Variants in NPAS3 observed in about 807,000 individuals in gnomAD.
NPAS3 encodes neuronal PAS domain-containing protein 3.
A neutral mutation model predicts 73.1 loss-of-function variants in NPAS3; 14 were observed. The ratio of observed to expected loss-of-function variants is 0.19; its 90% CI spans 0.13 to 0.30. The LOEUF is 0.30. Among genes scored for constraint, NPAS3 ranks in the 10% least tolerant of loss-of-function variants. The pLI is 1.00. For synonymous variants in NPAS3, 620 were observed against 541.5 expected (o/e 1.14, Z -2.01); for missense variants, 1,096 against 1,250.0 (o/e 0.88, Z 1.86).
At chr14:33,348,793 G>A (rs550005431) in intron 3 of NPAS3, among the ~76,000 whole-genome samples, 26 of 152,246 alleles carry the variant, frequency 1.7e-4, no homozygotes, top group Admixed American at 6.5e-4. Flanking sequence ...GGTTGTAATC[G>A]TTTATTTACT....
intron 3 of NPAS3, among the ~76,000 whole-genome samples, chr14:33,271,088 G>A (rs759655904): frequency 6.6e-6 from 1 of 152,204 alleles, no homozygotes; most frequent in Non-Finnish European, 1.5e-5. Flanking sequence ...TGTGTGCTTA[G>A]GTTCAACAAA....
chr14:33,538,491 A>C (rs2054356693), intron 4 of NPAS3, among the ~76,000 whole-genome samples: 1 of 152,234 alleles, frequency 6.6e-6, no homozygotes, highest in African/African-American at 2.4e-5. Flanking sequence ...TTCCTTAAGC[A>C]GTTTGTCTCT....
intron 6 of NPAS3, among the ~76,000 whole-genome samples, chr14:33,677,875 A>G (rs1174166287): frequency 2.0e-5 from 3 of 152,234 alleles, no homozygotes; most frequent in African/African-American, 7.2e-5. Context: ...CTGAGCAGCT[A>G]TGTCAGCGAG....
chr14:33,745,813 G>T (rs1277012736), intron 7 of NPAS3, among the ~76,000 whole-genome samples: 1 of 152,122 alleles, frequency 6.6e-6, no homozygotes, highest in African/African-American at 2.4e-5. Context: ...ATATTGATTT[G>T]ATTATAAGGG....
chr14:33,358,944 T>G (rs2045467311), intron 3 of NPAS3, among the ~76,000 whole-genome samples: 1 of 151,506 alleles, frequency 6.6e-6, no homozygotes, highest in Non-Finnish European at 1.5e-5. Flanking sequence ...GCTTTGGAAA[T>G]TTATCAGAGT....
chr14:33,613,707 G>A (rs967454090), intron 5 of NPAS3, among the ~76,000 whole-genome samples: 4 of 152,086 alleles, frequency 2.6e-5, no homozygotes, highest in Admixed American at 6.6e-5. Context: ...TCCCTGAAGC[G>A]TTTCCTAACC....
chr14:33,520,858 G>A (rs868819960), intron 4 of NPAS3, among the ~76,000 whole-genome samples: 5 of 152,112 alleles, frequency 3.3e-5, no homozygotes, highest in African/African-American at 1.2e-4. Flanking sequence ...GGTACTGTAC[G>A]CATTAATCAA....
chr14:33,287,828 C>T (rs1212168237), intron 3 of NPAS3, among the ~76,000 whole-genome samples: 1 of 152,180 alleles, frequency 6.6e-6, no homozygotes, highest in Non-Finnish European at 1.5e-5. Context: ...GAAATATGGA[C>T]TAGAACCATC....
At chr14:33,478,873 T>C (rs2051174533) in intron 4 of NPAS3, among the ~76,000 whole-genome samples, 1 of 152,186 alleles carries the variant, frequency 6.6e-6, no homozygotes, top group Admixed American at 6.5e-5. Flanking sequence ...CTTAATCTCA[T>C]GGCCTTGAAT....
intron 2 of NPAS3, among the ~76,000 whole-genome samples, chr14:33,142,005 A>C (rs1331322095): frequency 6.6e-6 from 1 of 151,942 alleles, no homozygotes; most frequent in Non-Finnish European, 1.5e-5. Flanking sequence ...ATATTAAACA[A>C]TTTATTTATT....
intron 2 of NPAS3, among the ~76,000 whole-genome samples, chr14:33,139,179 G>C (rs2043951796): frequency 6.6e-6 from 1 of 152,106 alleles, no homozygotes; most frequent in Non-Finnish European, 1.5e-5. Context: ...ATCACAAATG[G>C]CTTGTCAAGC....
At chr14:33,367,357 G>A in intron 4 of NPAS3, 89 bp downstream of exon 4, 1 of 624,616 alleles carries the variant, frequency 1.6e-6, no homozygotes, top group Non-Finnish European at 2.8e-6. Context: ...TTTTTTAAAT[G>A]TCAGCTGTAT....
At chr14:33,754,838 T>A (rs9322926) in intron 7 of NPAS3, among the ~76,000 whole-genome samples, 1 of 152,164 alleles carries the variant, frequency 6.6e-6, no homozygotes, top group African/African-American at 2.4e-5. Flanking sequence ...GAATAAACCA[T>A]CTGGGGCCTT....
intron 2 of NPAS3, among the ~76,000 whole-genome samples, chr14:33,093,606 A>G (rs151040662): frequency 1.6e-3 from 229 of 147,680 alleles, no homozygotes; most frequent in African/African-American, 5.6e-3. Context: ...TGACCCAGCC[A>G]TGCCATTACT....
chr14:32,972,084 G>A (rs527648948), intron 1 of NPAS3, among the ~76,000 whole-genome samples: 1 of 151,782 alleles, frequency 6.6e-6, no homozygotes, highest in Non-Finnish European at 1.5e-5. Context: ...GACTACAGGC[G>A]CTCGCCACCA....
At chr14:33,176,961 A>G (rs1236373704) in intron 2 of NPAS3, among the ~76,000 whole-genome samples, 1 of 151,852 alleles carries the variant, frequency 6.6e-6, no homozygotes, top group Non-Finnish European at 1.5e-5. Flanking sequence ...CATTTCCTTA[A>G]TGACTAATGA....
intron 1 of NPAS3, among the ~76,000 whole-genome samples, chr14:33,054,065 G>A (rs1425487384): frequency 6.6e-6 from 1 of 152,114 alleles, no homozygotes; most frequent in Non-Finnish European, 1.5e-5. Flanking sequence ...CTGTCACTGG[G>A]GCTATCACAT....
At chr14:32,992,640 C>A (rs1033316966) in intron 1 of NPAS3, among the ~76,000 whole-genome samples, 1 of 152,008 alleles carries the variant, frequency 6.6e-6, no homozygotes, top group African/African-American at 2.4e-5. Context: ...ACCATATTTT[C>A]TGAGGTAAAA....
chr14:33,454,943 G>A (rs2049961508), intron 4 of NPAS3, among the ~76,000 whole-genome samples: 1 of 152,140 alleles, frequency 6.6e-6, no homozygotes, highest in African/African-American at 2.4e-5. Context: ...ATCACACAGT[G>A]TTTACATGGA....
Sources: allele counts gnomAD v4.1 joint callset (sites outside exome capture counted in the v4.1 genomes callset), GRCh38; gene constraint gnomAD v4.1.1; transcripts MANE v1.5; gene names NCBI Gene and HGNC (gene_info 2026-07-23, HGNC 2026-07-21).